The following STT3B variants were observed in gnomAD, a reference collection of about 807,000 sequenced individuals.
STT3B encodes dolichyl-diphosphooligosaccharide--protein glycosyltransferase subunit STT3B.
In STT3B, 29 loss-of-function variants were observed where a neutral mutation model predicts 96.8. The observed-to-expected ratio is 0.30, with a 90% CI of 0.22 to 0.41. The LOEUF is 0.41. STT3B is among the 10% of genes least tolerant of loss of function. The pLI, the probability that STT3B is intolerant of heterozygous loss-of-function variation, is 1.00. For missense variants in STT3B, 640 were observed against 1,022.3 expected (o/e 0.63, Z 5.10); for synonymous variants, 367 against 360.0 (o/e 1.02, Z -0.22).
chr3:31,560,865 C>A (rs1697861744), intron 1 of STT3B, among the ~76,000 whole-genome samples: 1 of 152,068 alleles, frequency 6.6e-6, no homozygotes, highest in South Asian at 2.1e-4. Flanking sequence ...GTTTTCTCTT[C>A]ACCTTCTAGG....
intron 3 of STT3B, among the ~76,000 whole-genome samples, chr3:31,595,235 A>C (rs1199488822): frequency 6.6e-6 from 1 of 152,184 alleles, no homozygotes; most frequent in Admixed American, 6.5e-5. Context: ...AGAAGTGAAA[A>C]GTGAGTAGGA....
Position 31,635,964 on chromosome 3 carries a change from T to A in STT3B, c.2401-20T>A. On this transcript the variant is annotated intron_variant, in intron 15 of 15. Transcript: ENST00000295770. ...CAGTAAGAAACCTGCATTAATACTA[T>A]GTGTTTTGTTTTTTTATAGACTACC... 1 of 1,574,200 alleles carries A rather than the reference T, an allele frequency of 6.4e-7. No homozygotes were observed. Among genetic ancestry groups the A allele is most frequent in the Non-Finnish European group, 8.7e-7 (1 of 1,152,364 alleles).
At chr3:31,618,495 A>G (rs1189864901) in intron 8 of STT3B, among the ~76,000 whole-genome samples, 1 of 151,608 alleles carries the variant, frequency 6.6e-6, no homozygotes, top group African/African-American at 2.4e-5. Flanking sequence ...GAGTTAATAC[A>G]TTTGGTTTTG....
chr3:31,561,283 A>T (rs547462900), intron 1 of STT3B, among the ~76,000 whole-genome samples: 25 of 150,856 alleles, frequency 1.7e-4, no homozygotes, highest in African/African-American at 4.4e-4. Context: ...TTTATTTTTT[A>T]AAAAAATTTT....
chr3:31,578,494 A>T (rs1698306142), intron 2 of STT3B, among the ~76,000 whole-genome samples: 1 of 151,912 alleles, frequency 6.6e-6, no homozygotes, highest in Non-Finnish European at 1.5e-5. Context: ...TGTGTGTGTC[A>T]GTTCAGTCTA....
intron 15 of STT3B, 187 bp downstream of exon 15, chr3:31,633,334 A>G (rs1171147919): frequency 3.3e-6 from 2 of 612,120 alleles, no homozygotes; most frequent in Non-Finnish European, 5.5e-6. Flanking sequence ...CACTTCAGAT[A>G]TCCCAAGCTG....
rs773524257 is a variant in STT3B at position 31,622,177 on chromosome 3, A to G, written c.1408A>G (p.Met470Val). The G allele has an allele frequency of 3.7e-6, 6 of 1,613,968 alleles. No individual in the cohort carries two copies. The African/African-American group carries it at 5.3e-5, about 14-fold the overall frequency. The stretch of plus-strand genomic sequence containing the variant: ...GTTGACTTTGACTCCAGTCGTGTGT[A>G]TGCTGTCTGCAATTGCCTTTTCAAA... ...LMLTLTPVVC[M>V]LSAIAFSNVF... Residue 470 changes from methionine to valine, a missense_variant, in exon 10 of 16, where the codon ATG becomes GTG. By Grantham distance (21) the Met-to-Val change is conservative. Transcript: ENST00000295770.
chr3:31,613,175 T>A (rs1699223156), intron 5 of STT3B, among the ~76,000 whole-genome samples: 1 of 152,046 alleles, frequency 6.6e-6, no homozygotes, highest in Non-Finnish European at 1.5e-5. Flanking sequence ...TCAATATCCC[T>A]GAATTTGTTC....
chr3:31,582,590 G>C (rs1194020148), intron 3 of STT3B, among the ~76,000 whole-genome samples: 1 of 151,924 alleles, frequency 6.6e-6, no homozygotes, highest in Non-Finnish European at 1.5e-5. Context: ...ACCGCGCCCA[G>C]CCCTAGTTTG....
intron 9 of STT3B, among the ~76,000 whole-genome samples, chr3:31,621,451 A>C (rs1699427177): frequency 6.6e-6 from 1 of 152,262 alleles, no homozygotes; most frequent in South Asian, 2.1e-4. Context: ...GTCAGGAAGA[A>C]AAATTTAATT....
chr3:31,557,112 A>G (rs762830901), intron 1 of STT3B, among the ~76,000 whole-genome samples: 9 of 152,044 alleles, frequency 5.9e-5, no homozygotes, highest in South Asian at 4.1e-4. Flanking sequence ...TCGATATCCA[A>G]TTTTCCCAGC....
Position 31,632,945 on chromosome 3 carries a change from G to A in STT3B, c.2198G>A (p.Arg733His). 6 of 1,613,462 alleles carry A rather than the reference G, an allele frequency of 3.7e-6. No individual in the cohort carries two copies. Among genetic ancestry groups the A allele is most frequent in the South Asian group, 1.1e-5 (1 of 90,932 alleles). ...YRFGEMQLDFRTPPGFDRTRN... is the reference protein window; with the variant it reads ...YRFGEMQLDFHTPPGFDRTRN... ...ATGTCACTTTTGCAGCTGGATTTTC[G>A]TACACCCCCAGGTTTTGACCGAACA... Residue 733 changes from arginine to histidine, a missense_variant, in exon 15 of 16, where the codon CGT (arginine) becomes CAT (histidine). By Grantham distance (29) the Arg-to-His change is conservative. Coordinates refer to ENST00000295770, the MANE Select transcript of STT3B (RefSeq NM_178862.3).
intron 1 of STT3B, among the ~76,000 whole-genome samples, chr3:31,570,001 A>G (rs1438256003): frequency 6.6e-6 from 1 of 152,146 alleles, no homozygotes; most frequent in East Asian, 1.9e-4. Flanking sequence ...CATACAGCAA[A>G]GTAGAGCTAA....
intron 3 of STT3B, among the ~76,000 whole-genome samples, chr3:31,586,565 T>C (rs1447533259): frequency 6.6e-6 from 1 of 152,132 alleles, no homozygotes. Flanking sequence ...AAGTTGATTA[T>C]GGTCTGGTGC....
intron 4 of STT3B, among the ~76,000 whole-genome samples, chr3:31,599,965 A>G (rs1698893122): frequency 1.3e-5 from 2 of 152,128 alleles, no homozygotes; most frequent in Admixed American, 1.3e-4. Context: ...CCTTTCTTAC[A>G]ACAAATTTGT....
At chr3:31,571,233 A>G (rs1297179021) in intron 1 of STT3B, among the ~76,000 whole-genome samples, 1 of 151,310 alleles carries the variant, frequency 6.6e-6, no homozygotes, top group Non-Finnish European at 1.5e-5. Flanking sequence ...TTTTAAGGGT[A>G]GTCTTAAGGG....
chr3:31,614,964 A>G (rs1699273852), intron 5 of STT3B, 141 bp from the exon 6 acceptor site: 2 of 499,270 alleles, frequency 4.0e-6, no homozygotes, highest in East Asian at 6.7e-5. Flanking sequence ...TAACAAATGG[A>G]CATCTAATAA....
At chr3:31,572,852 T>C (rs2125450443) in intron 1 of STT3B, among the ~76,000 whole-genome samples, 1 of 152,324 alleles carries the variant, frequency 6.6e-6, no homozygotes. Flanking sequence ...CGAAACAAAA[T>C]TCTCATATGT....
intron 6 of STT3B, among the ~76,000 whole-genome samples, chr3:31,616,488 C>T (rs577916493): frequency 2.0e-5 from 3 of 152,024 alleles, no homozygotes; most frequent in Admixed American, 2.0e-4. Flanking sequence ...TCTTATTACT[C>T]AGTTATAAAT....
Sources: allele counts gnomAD v4.1 joint callset (sites outside exome capture counted in the v4.1 genomes callset), GRCh38; gene constraint gnomAD v4.1.1; transcripts MANE v1.5; gene names NCBI Gene and HGNC (gene_info 2026-07-23, HGNC 2026-07-21).